The following IRAG1 variants were observed in gnomAD, a reference collection of about 807,000 sequenced individuals.
IRAG1 encodes IP3R-associated cGMP kinase substrate.
A neutral mutation model predicts 106.2 loss-of-function variants in IRAG1; 62 were observed. That is an observed-to-expected ratio of 0.58 (90% confidence interval 0.48 to 0.72). The LOEUF is 0.72. Ranked by LOEUF, IRAG1 falls within the 30% of genes least tolerant of loss-of-function variation. The pLI, the probability that IRAG1 is intolerant of heterozygous loss-of-function variation, is 0.00. For synonymous variants in IRAG1, 462 were observed against 443.9 expected, an observed-to-expected ratio of 1.04 and a Z score of -0.51; for missense variants, 1,064 against 1,140.7, an observed-to-expected ratio of 0.93 and a Z score of 0.97.
intron 2 of IRAG1, among the ~76,000 whole-genome samples, chr11:10,644,207 G>A (rs1278088720): frequency 2.0e-5 from 3 of 152,166 alleles, no homozygotes; most frequent in African/African-American, 7.2e-5. Flanking sequence ...ATCTCTATTT[G>A]ACCACAGCAC....
intron 18 of IRAG1, among the ~76,000 whole-genome samples, chr11:10,587,189 C>T (rs765706350): frequency 3.9e-5 from 6 of 152,194 alleles, no homozygotes; most frequent in Non-Finnish European, 5.9e-5. Context: ...AAATGTTTGT[C>T]ATTGTGCTCA....
chr11:10,620,488 C>T (rs983654720), intron 10 of IRAG1, among the ~76,000 whole-genome samples: 24 of 152,042 alleles, frequency 1.6e-4, no homozygotes, highest in African/African-American at 4.3e-4. Flanking sequence ...AATGGGTACA[C>T]GGGCAAAGAT....
At chr11:10,654,895 G>T (rs1203363533) in intron 1 of IRAG1, among the ~76,000 whole-genome samples, 2 of 152,152 alleles carry the variant, frequency 1.3e-5, no homozygotes, top group Non-Finnish European at 2.9e-5. Context: ...GAGAACTACG[G>T]GGCCAGGGCA....
At chr11:10,646,975 G>A (rs11042909) in intron 2 of IRAG1, among the ~76,000 whole-genome samples, 29,917 of 152,148 alleles carry the variant, frequency 0.2, 4,446 homozygotes, top group East Asian at 0.77. Context: ...TGAGGAAGGG[G>A]CATAGACAGG....
chr11:10,619,536 C>T (rs1024450202), intron 10 of IRAG1, among the ~76,000 whole-genome samples: 3 of 152,200 alleles, frequency 2.0e-5, no homozygotes, highest in Non-Finnish European at 4.4e-5. Context: ...ATTCATTAAA[C>T]ACGGAGGGTT....
Position 10,665,788 on chromosome 11 carries a change from A to G in IRAG1, c.68-13606T>C, listed in dbSNP as rs570062444. Among the ~76,000 whole-genome samples the G allele has an allele frequency of 6.6e-6, 1 of 152,310 alleles. No homozygotes were observed. The highest frequency in any genetic ancestry group is 2.4e-5 in the African/African-American group (1 of 41,552). Reference sequence around the variant, plus strand: ...CTTGGCCAGGGTCTTTTTTTCACCAATAGACTCTGAGCTGAACTGCAGGAT... The same window carrying G: ...CTTGGCCAGGGTCTTTTTTTCACCAGTAGACTCTGAGCTGAACTGCAGGAT... On this transcript the variant is annotated intron_variant, in intron 1 of 20. Coordinates refer to ENST00000423302, the MANE Select transcript of IRAG1 (RefSeq NM_130385.4). This position sits in a 1 kb window ranked among gnomAD's most constrained non-coding sequence, Gnocchi z 4.2.
At chr11:10,624,002 G>A (rs1212474893) in intron 9 of IRAG1, 146 bp from the exon 10 acceptor site, 12 of 688,064 alleles carry the variant, frequency 1.7e-5, no homozygotes, top group South Asian at 1.5e-4. Flanking sequence ...ATGGCATGGT[G>A]AGGCCTGAGA....
chr11:10,600,806 C>T, intron 15 of IRAG1, 112 bp downstream of exon 15: 1 of 1,403,538 alleles, frequency 7.1e-7, no homozygotes, highest in South Asian at 1.4e-5. Flanking sequence ...GACAGGAGTG[C>T]TGCTCAACTG....
At chr11:10,661,544 G>A (rs1859403655) in intron 1 of IRAG1, among the ~76,000 whole-genome samples, 2 of 152,204 alleles carry the variant, frequency 1.3e-5, no homozygotes, top group African/African-American at 4.8e-5. Flanking sequence ...GGCTCTAGGG[G>A]AGAATCCATT....
rs756363346 is a variant in IRAG1, at chr11:10,603,268, G to C, written c.1744-17C>G. The C allele has an allele frequency of 4.3e-6, 7 of 1,612,698 alleles. No homozygotes were observed. The highest frequency in any genetic ancestry group is 3.3e-5 in the Admixed American group (2 of 59,972). ...AGCTGAGGACTGAACAGGAGTAGGA[G>C]CATCACCTGGGGTCCTCAAATAATG... On this transcript the variant is annotated splice_polypyrimidine_tract_variant and intron_variant, in intron 13 of 20. Transcript: ENST00000423302.
At chr11:10,626,698 T>C in intron 8 of IRAG1, 115 bp from the exon 9 acceptor site, 1 of 1,204,940 alleles carries the variant, frequency 8.3e-7, no homozygotes, top group Middle Eastern at 2.9e-4. Flanking sequence ...GGCCCATTTG[T>C]ATAAGTGTGT....
chr11:10,656,499 C>T (rs1484941290), intron 1 of IRAG1, among the ~76,000 whole-genome samples: 36 of 152,168 alleles, frequency 2.4e-4, no homozygotes, highest in Non-Finnish European at 7.3e-5. Flanking sequence ...GCTAGAAGTT[C>T]CTAAACCATA....
At position 10,625,986 on chromosome 11, in the gene IRAG1, T is replaced by C; in HGVS notation, c.1348A>G (p.Lys450Glu). The change falls in exon 9 of 21, where the codon AAA (lysine) becomes GAA (glutamate). Residue 450 changes from lysine (K) to glutamate (E), a missense_variant. Coordinates refer to ENST00000423302, the MANE Select transcript of IRAG1 (RefSeq NM_130385.4). Reference sequence around the variant, plus strand: ...CCCACCTCTCGGAGCTTGGTCAGTTTCTGCATCCGCACGGGCTGCACTTGT... The same window carrying C: ...CCCACCTCTCGGAGCTTGGTCAGTTCCTGCATCCGCACGGGCTGCACTTGT... ...QIQVQPVRMQKLTKLREEHIL... is the reference protein window; with the variant it reads ...QIQVQPVRMQELTKLREEHIL... 1 of 1,488,276 alleles carries C rather than the reference T, an allele frequency of 6.7e-7. No individual in the cohort carries two copies. 92.2% of individuals were successfully genotyped at this position (1,488,276 alleles called of 1,614,324 possible). A position where few individuals can be genotyped will look rare whatever the true frequency, so the allele number is the denominator to read the frequency against.
At chr11:10,595,552 T>C (rs985567927) in intron 15 of IRAG1, among the ~76,000 whole-genome samples, 2 of 152,208 alleles carry the variant, frequency 1.3e-5, no homozygotes, top group Admixed American at 1.3e-4. Context: ...CTTTCCAGGA[T>C]TTTTATTTCA....
intron 1 of IRAG1, among the ~76,000 whole-genome samples, chr11:10,686,256 G>A (rs955243676): frequency 2.0e-5 from 3 of 152,080 alleles, no homozygotes; most frequent in African/African-American, 4.8e-5. Context: ...ATTCGCCCAC[G>A]TCAAACAGTA....
At chr11:10,613,879 C>A (rs1336199760) in intron 10 of IRAG1, among the ~76,000 whole-genome samples, 1 of 152,096 alleles carries the variant, frequency 6.6e-6, no homozygotes, top group Non-Finnish European at 1.5e-5. Context: ...TAGCTAATTC[C>A]TAGAAACAAC....
intron 11 of IRAG1, among the ~76,000 whole-genome samples, chr11:10,609,205 C>T (rs1023623942): frequency 1.3e-5 from 2 of 152,214 alleles, no homozygotes; most frequent in East Asian, 3.8e-4. Flanking sequence ...GCCCCACTCT[C>T]ATGTCATTCT....
intron 11 of IRAG1, among the ~76,000 whole-genome samples, chr11:10,607,971 T>C (rs1854621904): frequency 6.6e-6 from 1 of 152,216 alleles, no homozygotes; most frequent in Admixed American, 6.5e-5. Flanking sequence ...TTGGCAAAAC[T>C]TGCCAAGTTT....
chr11:10,599,013 C>T (rs1853644636), intron 15 of IRAG1, among the ~76,000 whole-genome samples: 1 of 152,206 alleles, frequency 6.6e-6, no homozygotes, highest in Non-Finnish European at 1.5e-5. Flanking sequence ...GTTACGGCCA[C>T]TCTGCCTAGC....
Sources: gnomAD v4.1 joint callset for allele counts (sites outside exome capture counted in the v4.1 genomes callset) on GRCh38, gnomAD v4.1.1 for gene constraint, Gnocchi (gnomAD v3.1) non-coding constraint, MANE v1.5 for transcripts, NCBI Gene and HGNC (gene_info 2026-07-23, HGNC 2026-07-21) for gene names.